Variants in NLRP7 observed in about 807,000 individuals in gnomAD.
The protein encoded by NLRP7 is NLR family pyrin domain containing 7.
In NLRP7, 72 loss-of-function variants were observed where a neutral mutation model predicts 85.5. The observed-to-expected ratio is 0.84, with a 90% CI of 0.70 to 1.02. NLRP7 has a LOEUF of 1.02. Among genes scored for constraint, NLRP7 ranks in the 50% least tolerant of loss-of-function variants. NLRP7 has a pLI of 0.00. For synonymous variants in NLRP7, 550 were observed against 505.2 expected, an observed-to-expected ratio of 1.09 and a Z score of -1.19; for missense variants, 1,243 against 1,219.5, an observed-to-expected ratio of 1.02 and a Z score of -0.29.
chr19:54,948,192 T>C (rs2069555659), upstream of NLRP7, among the ~76,000 whole-genome samples: 5 of 152,178 alleles, frequency 3.3e-5, no homozygotes, highest in Admixed American at 3.3e-4. Context: ...GAGACCAGAC[T>C]GGCCAACGTG....
In NLRP7 at chr19:54,934,653, T is replaced by C; in HGVS notation, c.2307A>G (p.Gly769=). The change falls in exon 7 of 10, where the codon GGA becomes GGG. Residue 769 remains glycine (G), a synonymous_variant. Coordinates refer to ENST00000340844, the Ensembl canonical transcript of NLRP7. This position sits in a 1 kb window ranked among gnomAD's most constrained non-coding sequence, Gnocchi z 6.7. The stretch of plus-strand genomic sequence containing the variant: ...ACTGCTCCGGGGTGGCACAGTGACC[T>C]CCCAACCTGTGAAAAGAGTGGGAAA... 1 of 1,612,636 alleles carries C rather than the reference T, an allele frequency of 6.2e-7. No homozygotes were observed. Among genetic ancestry groups the C allele is most frequent in the Non-Finnish European group, 8.5e-7 (1 of 1,179,452 alleles).
intron 1 of NLRP7, among the ~76,000 whole-genome samples, chr19:54,964,229 T>G (rs2070201754): frequency 1.5e-5 from 2 of 136,592 alleles, no homozygotes; most frequent in South Asian, 5.0e-4. Context: ...TTTTTTTTTT[T>G]TTTTTGAGAT....
rs144773759 is a variant in NLRP7, at chr19:54,929,673, G to A, written c.2810+826C>T. Among the ~76,000 whole-genome samples the A allele has an allele frequency of 5.3e-3, 800 of 152,276 alleles. 6 individuals carry two copies. The highest frequency in any genetic ancestry group is 0.02 in the Middle Eastern group (6 of 294). ...CCAGCAGAAGCAGCATGCTGCTGAAGTCCAGGTCACTGGGGGCCATTGTTA... is the reference window on the plus strand; with the variant it reads ...CCAGCAGAAGCAGCATGCTGCTGAAATCCAGGTCACTGGGGGCCATTGTTA... On this transcript the variant is annotated intron_variant, in intron 9 of 9. Coordinates refer to ENST00000340844, the Ensembl canonical transcript of NLRP7.
At chr19:54,940,275 C>T (rs778545569) in exon 4 of NLRP7, 44 of 1,614,102 alleles carry the variant, frequency 2.7e-5, no homozygotes, top group South Asian at 8.8e-5. Context: ...GTTTTCCCCA[C>T]GCCTGCGGGG....
At chr19:54,940,524 T>A (rs2069178327) in intron 3 of NLRP7, 58 bp from the exon 4 acceptor site, 1 of 1,587,886 alleles carries the variant, frequency 6.3e-7, no homozygotes, top group Admixed American at 1.7e-5. Flanking sequence ...CTGAATTATT[T>A]TGTCAAGTAC....
At chr19:54,942,255 C>CAAAAAAAAAAAAAAAAAAAAAAAAAAA (rs576434793) in intron 1 of NLRP7, among the ~76,000 whole-genome samples, 1 of 59,442 alleles carries the variant, frequency 1.7e-5, no homozygotes, top group African/African-American at 5.8e-5. Context: ...GACTCCGTCT[C>CAAAAAAAAAAAAAAAAAAAAAAAAAAA]AAAAAAAAAA....
At chr19:54,962,828 T>C (rs558328409) in intron 1 of NLRP7, among the ~76,000 whole-genome samples, 132 of 150,692 alleles carry the variant, frequency 8.8e-4, no homozygotes, top group African/African-American at 3.2e-3. Context: ...CTCCATCTCC[T>C]GACCTCGTGA....
chr19:54,936,307 G>A, exon 6 of NLRP7: 2 of 1,613,946 alleles, frequency 1.2e-6, no homozygotes, highest in Non-Finnish European at 8.5e-7. Flanking sequence ...AGGTCACACA[G>A]CATCAGCATC....
Position 54,934,394 on chromosome 19 carries a change from G to A in NLRP7, c.2471+95C>T, listed in dbSNP as rs759550260. ...AAGCAGGTGTTTATTTCAGCAAGAG[G>A]CGCCACGTGGGTGGCGCAGTAAGTC... On this transcript the variant is annotated intron_variant, in intron 7 of 9. Transcript: ENST00000340844. This position sits in a 1 kb window ranked among gnomAD's most constrained non-coding sequence, Gnocchi z 6.7. 10 of 1,264,728 alleles carry A rather than the reference G, an allele frequency of 7.9e-6. No homozygotes were observed. Among genetic ancestry groups the A allele is most frequent in the Admixed American group, 1.7e-5 (1 of 59,300 alleles). 78.3% of individuals were successfully genotyped at this position (1,264,728 alleles called of 1,614,324 possible). A position where few individuals can be genotyped will look rare whatever the true frequency, so the allele number is the denominator to read the frequency against.
At chr19:54,928,645 G>T (rs576853725) in intron 9 of NLRP7, among the ~76,000 whole-genome samples, 1 of 152,220 alleles carries the variant, frequency 6.6e-6, no homozygotes, top group African/African-American at 2.4e-5. Context: ...GTGATATGAG[G>T]AAAGAAACTG....
At chr19:54,923,909 T>A (rs954980250) in intron 9 of NLRP7, 37 bp from the exon 11 acceptor site, 1 of 1,610,176 alleles carries the variant, frequency 6.2e-7, no homozygotes, top group African/African-American at 1.3e-5. Context: ...TCCCAGAAAT[T>A]CATTCTCAAC....
chr19:54,960,804 C>G (rs1234620340), intron 1 of NLRP7, among the ~76,000 whole-genome samples: 1 of 151,528 alleles, frequency 6.6e-6, no homozygotes, highest in Non-Finnish European at 1.5e-5. Context: ...ACCGTGTTAG[C>G]CAGGATGGTC....
chr19:54,958,162 G>A lies in NLRP7; in HGVS notation c.-77+7878C>T, dbSNP rs1425446671. On this transcript the variant is annotated intron_variant, in intron 1 of 2. Coordinates refer to the NLRP7 transcript ENST00000587103. Reference sequence around the variant, plus strand: ...TTGGGATTTTCTCCCTGAGGCACTTGCTATCTCCAGGATTATGGGTCTCAG... The same window carrying A: ...TTGGGATTTTCTCCCTGAGGCACTTACTATCTCCAGGATTATGGGTCTCAG... Among the ~76,000 whole-genome samples, 5 of 151,936 alleles carry A rather than the reference G, an allele frequency of 3.3e-5. No homozygotes were observed. In the East Asian group the frequency reaches 9.7e-4, roughly 29 times the overall value.
At chr19:54,926,296 T>TA (rs2146142616) in intron 9 of NLRP7, among the ~76,000 whole-genome samples, 1 of 152,188 alleles carries the variant, frequency 6.6e-6, no homozygotes, top group Non-Finnish European at 1.5e-5. Context: ...TCAGTATGCC[T>TA]AGGACTAAGT....
intron 1 of NLRP7, among the ~76,000 whole-genome samples, chr19:54,963,072 T>C (rs1478253832): frequency 2.0e-5 from 3 of 152,142 alleles, no homozygotes; most frequent in Non-Finnish European, 4.4e-5. Flanking sequence ...TGGCAATCAC[T>C]ACTGTGTAGC....
chr19:54,937,152 G>A (rs1357655406), intron 5 of NLRP7, among the ~76,000 whole-genome samples: 1 of 148,746 alleles, frequency 6.7e-6, no homozygotes, highest in Non-Finnish European at 1.5e-5. Context: ...CGGGAGGCAG[G>A]GCTTGCAGTG....
exon 2 of NLRP7, chr19:54,941,457 C>G: frequency 6.2e-7 from 1 of 1,606,646 alleles, no homozygotes. Flanking sequence ...CCTTTGCCAT[C>G]TTACACAATT....
At chr19:54,939,161 C>T in exon 4 of NLRP7, 1 of 1,614,232 alleles carries the variant, frequency 6.2e-7, no homozygotes. Context: ...ATGTGCTTTG[C>T]ATTGCAGCAA....
At chr19:54,964,468 G>T (rs376813436) in intron 1 of NLRP7, among the ~76,000 whole-genome samples, 42 of 151,450 alleles carry the variant, frequency 2.8e-4, no homozygotes, top group Non-Finnish European at 1.0e-4. Flanking sequence ...CACCTGCCTC[G>T]GCCTCCCAAA....
Sources: gnomAD v4.1 joint callset for allele counts (sites outside exome capture counted in the v4.1 genomes callset) on GRCh38, gnomAD v4.1.1 for gene constraint, Gnocchi (gnomAD v3.1) non-coding constraint, MANE v1.5 for transcripts, NCBI Gene and HGNC (gene_info 2026-07-23, HGNC 2026-07-21) for gene names.